Variants in HHLA2 observed in about 807,000 individuals in gnomAD.
HHLA2 encodes HERV-H LTR-associating protein 2.
A neutral mutation model predicts 45.9 loss-of-function variants in HHLA2; 48 were observed. That is an observed-to-expected ratio of 1.05 (90% confidence interval 0.83 to 1.33). The LOEUF (loss-of-function observed/expected upper bound fraction) is 1.33, where lower values mean the gene tolerates loss of function less well. Among genes scored for constraint, HHLA2 ranks in the 40% most tolerant of loss-of-function variants. The pLI is 0.00. For missense variants in HHLA2, 462 were observed against 494.3 expected (o/e 0.93, Z 0.62); for synonymous variants, 161 against 173.9 (o/e 0.93, Z 0.59).
At chr3:108,321,256 T>C (rs2081196865) in intron 2 of HHLA2, among the ~76,000 whole-genome samples, 1 of 152,168 alleles carries the variant, frequency 6.6e-6, no homozygotes, top group South Asian at 2.1e-4. Flanking sequence ...TTGACTCCTC[T>C]TCTATTTTGA....
chr3:108,342,929 C>T (rs2081601038), intron 3 of HHLA2, among the ~76,000 whole-genome samples: 1 of 152,124 alleles, frequency 6.6e-6, no homozygotes, highest in Non-Finnish European at 1.5e-5. Context: ...GGTGGGAGCC[C>T]TTCTTCCTGC....
intron 3 of HHLA2, among the ~76,000 whole-genome samples, chr3:108,334,359 A>G (rs1318207443): frequency 1.3e-5 from 2 of 152,226 alleles, no homozygotes; most frequent in Non-Finnish European, 2.9e-5. Context: ...TCAGTGCTGT[A>G]TCAATGCTGA....
chr3:108,361,337 A>C (rs2081981367), intron 7 of HHLA2, among the ~76,000 whole-genome samples: 1 of 152,206 alleles, frequency 6.6e-6, no homozygotes, highest in South Asian at 2.1e-4. Context: ...CCTGCCTTGA[A>C]GGTGAATCCT....
chr3:108,375,900 A>T, intron 9 of HHLA2, 100 bp downstream of exon 8: 1 of 1,458,482 alleles, frequency 6.9e-7, no homozygotes, highest in Non-Finnish European at 9.3e-7. Context: ...CACTTTAAAA[A>T]ATAGATATAT....
chr3:108,318,969 T>TC (rs769867294), intron 2 of HHLA2, among the ~76,000 whole-genome samples: 14 of 152,346 alleles, frequency 9.2e-5, no homozygotes, highest in South Asian at 4.1e-4. Context: ...AGCTCCATTC[T>TC]CCCCAAACAC....
chr3:108,326,130 C>A, intron 2 of HHLA2: 1 of 248,044 alleles, frequency 4.0e-6, no homozygotes, highest in Non-Finnish European at 8.0e-6. Context: ...AATGCCACTA[C>A]AATCTTTTTC....
intron 8 of HHLA2, among the ~76,000 whole-genome samples, chr3:108,373,001 G>C (rs1482924869): frequency 2.0e-5 from 3 of 152,216 alleles, no homozygotes; most frequent in African/African-American, 7.2e-5. Context: ...CATCCTGATA[G>C]CAAAGCCTGG....
intron 2 of HHLA2, among the ~76,000 whole-genome samples, chr3:108,324,717 C>G (rs1281345614): frequency 2.0e-5 from 3 of 152,174 alleles, no homozygotes; most frequent in Non-Finnish European, 4.4e-5. Context: ...TCAGGTAATT[C>G]AAATCATACA....
intron 5 of HHLA2, among the ~76,000 whole-genome samples, chr3:108,354,630 G>C (rs2081850744): frequency 6.6e-6 from 1 of 151,950 alleles, no homozygotes; most frequent in African/African-American, 2.4e-5. Flanking sequence ...CATACATGCA[G>C]TATTTTCTAA....
At chr3:108,373,163 G>T (rs2082210344) in intron 8 of HHLA2, among the ~76,000 whole-genome samples, 1 of 152,176 alleles carries the variant, frequency 6.6e-6, no homozygotes, top group Admixed American at 6.5e-5. Context: ...GGGATGCAAG[G>T]CTGGTTCAAC....
At chr3:108,362,395 T>G in exon 8 of HHLA2, 1 of 1,613,042 alleles carries the variant, frequency 6.2e-7, no homozygotes, top group Non-Finnish European at 8.5e-7. Flanking sequence ...TTTGGTGCCC[T>G]CTGCGATTTT....
chr3:108,358,364 TC>T (rs1344776622), intron 7 of HHLA2, among the ~76,000 whole-genome samples: 2 of 152,220 alleles, frequency 1.3e-5, no homozygotes, highest in Non-Finnish European at 2.9e-5. Flanking sequence ...AAAAAATTAC[TC>T]CCACAGATTT....
At chr3:108,303,295 A>G (rs2080878613) in intron 1 of HHLA2, among the ~76,000 whole-genome samples, 1 of 152,162 alleles carries the variant, frequency 6.6e-6, no homozygotes, top group Admixed American at 6.5e-5. Context: ...ATTGCATTCA[A>G]TTTATGTTCT....
intron 6 of HHLA2, among the ~76,000 whole-genome samples, chr3:108,355,780 G>T (rs1432666499): frequency 6.6e-6 from 1 of 152,148 alleles, no homozygotes; most frequent in Non-Finnish European, 1.5e-5. Context: ...TCTTTCAGCA[G>T]ATCACAACTT....
chr3:108,312,899 G>T (rs2081044052), intron 2 of HHLA2, among the ~76,000 whole-genome samples: 1 of 152,150 alleles, frequency 6.6e-6, no homozygotes, highest in African/African-American at 2.4e-5. Context: ...TGGTGAAATG[G>T]AGGTTGTGAA....
chr3:108,297,222 T>C (rs1348342776), intron 1 of HHLA2, among the ~76,000 whole-genome samples: 5 of 152,206 alleles, frequency 3.3e-5, no homozygotes, highest in Non-Finnish European at 7.3e-5. Flanking sequence ...TTTGGGACTT[T>C]GGATAATAGA....
chr3:108,353,809 C>T, intron 5 of HHLA2, 29 bp downstream of exon 4: 32 of 1,498,100 alleles, frequency 2.1e-5, no homozygotes, highest in Non-Finnish European at 2.8e-5. Context: ...TTTCATGAAA[C>T]AGCAATGACA....
chr3:108,340,070 C>T (rs1229423861), intron 3 of HHLA2, among the ~76,000 whole-genome samples: 1 of 152,042 alleles, frequency 6.6e-6, no homozygotes, highest in South Asian at 2.1e-4. Flanking sequence ...AGGAATGTTA[C>T]TCAGTGTGTG....
intron 8 of HHLA2, among the ~76,000 whole-genome samples, chr3:108,362,997 GCT>G (rs2082005971): frequency 6.6e-6 from 1 of 152,092 alleles, no homozygotes; most frequent in South Asian, 2.1e-4. Context: ...CAAGGTTGGT[GCT>G]CTGATTGAAA....
Sources: gnomAD v4.1 joint callset for allele counts (sites outside exome capture counted in the v4.1 genomes callset) on GRCh38, gnomAD v4.1.1 for gene constraint, MANE v1.5 for transcripts, NCBI Gene and HGNC (gene_info 2026-07-23, HGNC 2026-07-21) for gene names.